Variants in TMEM266 observed in about 807,000 individuals in gnomAD.
TMEM266 encodes the protein transmembrane protein 266.
TMEM266 carries 33 observed loss-of-function variants against 50.5 expected under a neutral mutation model. The observed-to-expected ratio is 0.65, with a 90% CI of 0.50 to 0.87. The LOEUF (loss-of-function observed/expected upper bound fraction) is 0.87. Ranked by LOEUF, TMEM266 falls within the 40% of genes least tolerant of loss-of-function variation. The pLI, the probability that TMEM266 is intolerant of heterozygous loss-of-function variation, is 0.00. For synonymous variants in TMEM266, 310 were observed against 292.3 expected (o/e 1.06, Z -0.62); for missense variants, 655 against 695.1 (o/e 0.94, Z 0.65).
intron 4 of TMEM266, among the ~76,000 whole-genome samples, chr15:76,158,635 A>G (rs1459764140): frequency 1.3e-5 from 2 of 152,248 alleles, no homozygotes; most frequent in East Asian, 1.9e-4. Context: ...ACGCACAATC[A>G]GAGATTTATT....
At chr15:76,062,242 A>AT (rs2036318503) in intron 1 of TMEM266, among the ~76,000 whole-genome samples, 1 of 152,252 alleles carries the variant, frequency 6.6e-6, no homozygotes, top group Non-Finnish European at 1.5e-5. Context: ...CCATGCAAAT[A>AT]ACAGCTTTTA....
intron 10 of TMEM266, among the ~76,000 whole-genome samples, chr15:76,203,072 G>T (rs980913856): frequency 2.0e-5 from 3 of 151,940 alleles, no homozygotes; most frequent in South Asian, 2.1e-4. Context: ...CCCTCTGTAG[G>T]TCAGCCCCGT....
chr15:76,072,433 T>A (rs1596084785), intron 1 of TMEM266, among the ~76,000 whole-genome samples: 2 of 117,718 alleles, frequency 1.7e-5, no homozygotes, highest in African/African-American at 3.3e-5. Context: ...AGCGAAAAAC[T>A]CTGTCAAAAA....
intron 3 of TMEM266, among the ~76,000 whole-genome samples, chr15:76,147,228 T>A (rs1013660745): frequency 3.9e-5 from 6 of 152,220 alleles, no homozygotes; most frequent in African/African-American, 1.2e-4. Flanking sequence ...AATTCCATGC[T>A]TTCTCCACAA....
chr15:76,074,139 GA>G (rs1386016148), intron 1 of TMEM266, among the ~76,000 whole-genome samples: 3 of 151,854 alleles, frequency 2.0e-5, no homozygotes. Flanking sequence ...TTGCATTAAG[GA>G]AAAAAGTCAT....
chr15:76,184,745 C>T (rs2038469722), intron 8 of TMEM266, among the ~76,000 whole-genome samples: 1 of 152,194 alleles, frequency 6.6e-6, no homozygotes, highest in Non-Finnish European at 1.5e-5. Flanking sequence ...GGTCTGACCC[C>T]TCCTGGGCTT....
chr15:76,064,131 C>T (rs1200644725), intron 1 of TMEM266, among the ~76,000 whole-genome samples: 1 of 152,218 alleles, frequency 6.6e-6, no homozygotes. Flanking sequence ...AGCCATCCAT[C>T]AACTCTCCCA....
At chr15:76,068,605 C>A (rs1005874604) in intron 1 of TMEM266, among the ~76,000 whole-genome samples, 1 of 152,138 alleles carries the variant, frequency 6.6e-6, no homozygotes. Flanking sequence ...TAGTACTGTA[C>A]CCTTATAAAA....
intron 3 of TMEM266, among the ~76,000 whole-genome samples, chr15:76,151,354 G>A (rs1378247817): frequency 6.6e-6 from 1 of 152,164 alleles, no homozygotes; most frequent in Admixed American, 6.5e-5. Flanking sequence ...AGGAATGTCC[G>A]AGTCATCTGA....
chr15:76,090,017 G>A (rs959924530), intron 1 of TMEM266, among the ~76,000 whole-genome samples: 1 of 152,170 alleles, frequency 6.6e-6, no homozygotes, highest in Non-Finnish European at 1.5e-5. Flanking sequence ...ATGGAGGTAA[G>A]ATAATCAGTT....
At chr15:76,091,948 G>A (rs1490239998) in intron 1 of TMEM266, among the ~76,000 whole-genome samples, 1 of 151,798 alleles carries the variant, frequency 6.6e-6, no homozygotes, top group Admixed American at 6.6e-5. Flanking sequence ...CACTGATTAT[G>A]CCACTGCACT....
At position 76,182,159 on chromosome 15, in the gene TMEM266, T is replaced by A. The variant is rs567402039; in HGVS notation, c.768+6485T>A. Among the ~76,000 whole-genome samples, 4 of 152,188 alleles carry A rather than the reference T, an allele frequency of 2.6e-5. No homozygotes were observed. In the East Asian group the frequency reaches 7.7e-4, roughly 29 times the overall value. ...GAGCTTGGAGGAGTGGAAAGAATCC[T>A]CTTATTCGGGGAGCCAGCAAGCCAG... On this transcript the variant is annotated intron_variant, in intron 8 of 10. Transcript: ENST00000388942.
intron 1 of TMEM266, among the ~76,000 whole-genome samples, chr15:76,104,600 T>G (rs1260336248): frequency 6.8e-6 from 1 of 146,696 alleles, no homozygotes; most frequent in Non-Finnish European, 1.5e-5. Flanking sequence ...GGGCGGATCA[T>G]GAGGTCAGGA....
At chr15:76,097,083 T>A (rs1397148447) in intron 1 of TMEM266, among the ~76,000 whole-genome samples, 2 of 151,996 alleles carry the variant, frequency 1.3e-5, no homozygotes, top group Non-Finnish European at 2.9e-5. Context: ...CCAGTCTGTG[T>A]CTTTTAACTG....
rs971663686 is a variant in TMEM266, at chr15:76,161,681, C to T, written c.456+1513C>T. ...GGAGGGGGCAGATCGCAGCACTGCC[C>T]TCCCAGAAGGGGTCCTAACCACCTC... is the stretch of plus-strand genomic sequence containing the variant. On this transcript the variant is annotated intron_variant, in intron 5 of 10. Coordinates refer to ENST00000388942, the MANE Select transcript of TMEM266 (RefSeq NM_152335.3). This position sits in a 1 kb window ranked among gnomAD's most constrained non-coding sequence, Gnocchi z 4.1. Among the ~76,000 whole-genome samples, 2 of 152,176 alleles carry T rather than the reference C, an allele frequency of 1.3e-5. No individual in the cohort carries two copies. Among genetic ancestry groups the T allele is most frequent in the Non-Finnish European group, 2.9e-5 (2 of 68,030 alleles).
At chr15:76,090,819 G>C (rs186262713) in intron 1 of TMEM266, among the ~76,000 whole-genome samples, 1 of 152,274 alleles carries the variant, frequency 6.6e-6, no homozygotes, top group African/African-American at 2.4e-5. Context: ...ATTACAGCTA[G>C]ATGGATGGAA....
chr15:76,064,623 G>A (rs1273244134), intron 1 of TMEM266, among the ~76,000 whole-genome samples: 1 of 152,142 alleles, frequency 6.6e-6, no homozygotes, highest in Non-Finnish European at 1.5e-5. Context: ...TGAATTACCC[G>A]CCAGGAGAGG....
intron 1 of TMEM266, among the ~76,000 whole-genome samples, chr15:76,107,678 C>T (rs773430314): frequency 6.6e-6 from 1 of 152,176 alleles, no homozygotes; most frequent in Non-Finnish European, 1.5e-5. Flanking sequence ...GTGTTCCCAG[C>T]ACCTAGTCAT....
intron 1 of TMEM266, among the ~76,000 whole-genome samples, chr15:76,094,258 T>G (rs1464321109): frequency 1.3e-5 from 2 of 152,066 alleles, no homozygotes; most frequent in African/African-American, 2.4e-5. Context: ...GGTCTTATGT[T>G]TAAGTCTTTG....
Sources: gnomAD v4.1 joint callset for allele counts (sites outside exome capture counted in the v4.1 genomes callset) on GRCh38, gnomAD v4.1.1 for gene constraint, Gnocchi (gnomAD v3.1) non-coding constraint, MANE v1.5 for transcripts, NCBI Gene and HGNC (gene_info 2026-07-23, HGNC 2026-07-21) for gene names.